The following NAV2 variants were observed in gnomAD, a reference collection of about 807,000 sequenced individuals.
NAV2 encodes the protein helicase, APC down-regulated 1.
A neutral mutation model predicts 223.2 loss-of-function variants in NAV2; 54 were observed. The observed-to-expected ratio is 0.24, with a 90% confidence interval of 0.19 to 0.30. NAV2 has a LOEUF of 0.30. Ranked by LOEUF, NAV2 falls within the 10% of genes least tolerant of loss-of-function variation. The pLI, the probability that NAV2 is intolerant of heterozygous loss-of-function variation, is 1.00. For missense variants in NAV2, 2,806 were observed against 3,147.5 expected, an observed-to-expected ratio of 0.89 and a Z score of 2.60; for synonymous variants, 1,279 against 1,239.3, an observed-to-expected ratio of 1.03 and a Z score of -0.67.
chr11:19,529,804 T>TCGTGCCC (rs2043968528), intron 1 of NAV2, among the ~76,000 whole-genome samples: 1 of 152,204 alleles, frequency 6.6e-6, no homozygotes, highest in African/African-American at 2.4e-5. Flanking sequence ...CCAGCGGGCC[T>TCGTGCCC]CCTGCCCTAC....
chr11:19,693,258 T>C (rs941531400), intron 1 of NAV2, among the ~76,000 whole-genome samples: 1 of 152,222 alleles, frequency 6.6e-6, no homozygotes, highest in African/African-American at 2.4e-5. Context: ...GGATGCTGTG[T>C]TTCGAGTGAG....
intron 2 of NAV2, among the ~76,000 whole-genome samples, chr11:19,834,214 C>T (rs1303779298): frequency 6.6e-6 from 1 of 152,176 alleles, no homozygotes; most frequent in Non-Finnish European, 1.5e-5. Flanking sequence ...GTCCAAAGCT[C>T]TTTTAAACTA....
intron 1 of NAV2, among the ~76,000 whole-genome samples, chr11:19,611,590 G>T (rs2046646939): frequency 6.6e-6 from 1 of 152,210 alleles, no homozygotes; most frequent in Admixed American, 6.5e-5. Context: ...ACCCATGCAA[G>T]TCCAAAATCC....
intron 6 of NAV2, among the ~76,000 whole-genome samples, chr11:19,906,736 A>G (rs568381284): frequency 3.5e-4 from 54 of 152,294 alleles, no homozygotes; most frequent in Admixed American, 1.2e-3. Flanking sequence ...AAGGGGCACA[A>G]GCACCACTTG....
At position 20,048,833 on chromosome 11, in the gene NAV2, T is replaced by C. The variant is rs770653572; in HGVS notation, c.4008T>C (p.Gly1336=). 6.2e-6 allele frequency: 10 copies of C among 1,614,112 alleles called. No individual in the cohort carries two copies. The South Asian group carries it at 1.1e-4, about 18-fold the overall frequency. ...CTCATGCCACCATGACTCAGCAAGG[T>C]AACCTAGACTCCCCGTCAGGCAGTG... ...SNPHATMTQQ[G]NLDSPSGSGV... The change falls in exon 15 of 38, where the codon GGT becomes GGC. Residue 1336 remains glycine, a synonymous_variant. Transcript: ENST00000349880.
At chr11:19,361,628 T>C (rs1213763810) in intron 1 of NAV2, among the ~76,000 whole-genome samples, 1 of 152,136 alleles carries the variant, frequency 6.6e-6, no homozygotes, top group Non-Finnish European at 1.5e-5. Context: ...TCCTCTGCCA[T>C]CTGAGATCAA....
intron 1 of NAV2, among the ~76,000 whole-genome samples, chr11:19,551,349 A>G (rs1403388515): frequency 6.6e-6 from 1 of 152,248 alleles, no homozygotes; most frequent in East Asian, 1.9e-4. Context: ...CCCCCCAGTC[A>G]TCTCTGTGAG....
chr11:19,651,520 A>C (rs2047967650), intron 1 of NAV2, among the ~76,000 whole-genome samples: 1 of 152,200 alleles, frequency 6.6e-6, no homozygotes, highest in Admixed American at 6.5e-5. Context: ...CACATCAGTG[A>C]GTGGTCAGAC....
chr11:19,616,304 C>CTGTGTGTGTGTGTGTGTG (rs113035353), intron 1 of NAV2, among the ~76,000 whole-genome samples: 20 of 140,708 alleles, frequency 1.4e-4, no homozygotes, highest in African/African-American at 4.1e-4. Context: ...TTGCTTCTGA[C>CTGTGTGTGTGTGTGTGTG]TGTGTGTGTG....
intron 1 of NAV2, among the ~76,000 whole-genome samples, chr11:19,401,592 G>A (rs977884008): frequency 1.3e-5 from 2 of 152,130 alleles, no homozygotes; most frequent in Admixed American, 6.5e-5. Context: ...AGGAATGATC[G>A]CAAATCAAAG....
In NAV2 at chr11:19,892,571, C is replaced by A. The variant is rs145926987; in HGVS notation, c.908C>A (p.Pro303Gln). The change falls in exon 6 of 38, where the codon CCA (proline) becomes CAA (glutamine). Residue 303 changes from proline (P) to glutamine (Q), a missense_variant. Coordinates refer to ENST00000349880, the MANE Select transcript of NAV2 (RefSeq NM_145117.5). ...TCCAAACCAGTCACCTCCCCACCCCCACCGCCAAGCAGCCACGAGAAAGGT... is the reference window on the plus strand; with the variant it reads ...TCCAAACCAGTCACCTCCCCACCCCAACCGCCAAGCAGCCACGAGAAAGGT... ...DKSKPVTSPP[P>Q]PPSSHEKEPL... 828 of 1,613,930 alleles carry A rather than the reference C, an allele frequency of 5.1e-4. No individual in the cohort carries two copies. The highest frequency in any genetic ancestry group is 6.6e-4 in the Non-Finnish European group (784 of 1,179,932).
In NAV2 at chr11:20,048,983, C is replaced by T. The variant is rs763160014; in HGVS notation, c.4158C>T (p.Thr1386=). The T allele has an allele frequency of 3.1e-6, 5 of 1,614,178 alleles. No individual in the cohort carries two copies. In the South Asian group the frequency reaches 5.5e-5, roughly 18 times the overall value. ...SAPSNSLTWG[T]NASSSSAVSK... ...CTTCCAACAGCCTCACCTGGGGCAC[C>T]AACGCCAGCAGCTCCTCCGCAGTTA... The change falls in exon 15 of 38, where the codon ACC becomes ACT. Residue 1386 remains threonine, a synonymous_variant. Transcript: ENST00000349880.
At chr11:19,501,276 C>A (rs948250977) in intron 1 of NAV2, among the ~76,000 whole-genome samples, 1 of 152,182 alleles carries the variant, frequency 6.6e-6, no homozygotes, top group African/African-American at 2.4e-5. Flanking sequence ...TGCACAGTCC[C>A]TTTTGCGTGT....
chr11:19,999,280 C>A (rs1487208937), intron 11 of NAV2, among the ~76,000 whole-genome samples: 3 of 152,364 alleles, frequency 2.0e-5, no homozygotes, highest in African/African-American at 7.2e-5. Context: ...CATGGCCCAA[C>A]TTGCCTTCAA....
At chr11:19,566,066 T>TATTTTATTTTATTTC (rs2045260502) in intron 1 of NAV2, among the ~76,000 whole-genome samples, 1 of 151,186 alleles carries the variant, frequency 6.6e-6, no homozygotes, top group Non-Finnish European at 1.5e-5. Flanking sequence ...TATTTTATTT[T>TATTTTATTTTATTTC]ATTTTATTTT....
chr11:19,861,996 C>A (rs780495714), intron 3 of NAV2, among the ~76,000 whole-genome samples: 5 of 152,166 alleles, frequency 3.3e-5, no homozygotes, highest in Non-Finnish European at 7.3e-5. Flanking sequence ...CTACAACTCC[C>A]CTCCCAGGTT....
chr11:19,869,744 T>C (rs894548), intron 4 of NAV2, among the ~76,000 whole-genome samples: 23,351 of 152,162 alleles, frequency 0.15, 2,214 homozygotes, highest in Non-Finnish European at 0.21. Context: ...GTAAAGCAGT[T>C]TGGGCTTCAG....
intron 20 of NAV2, among the ~76,000 whole-genome samples, chr11:20,064,188 T>G (rs964552203): frequency 7.2e-5 from 11 of 152,218 alleles, no homozygotes; most frequent in Non-Finnish European, 1.3e-4. Context: ...CTATGTCCTT[T>G]CTTCTAGAAT....
At chr11:19,423,258 T>C (rs1473607789) in intron 1 of NAV2, among the ~76,000 whole-genome samples, 4 of 152,230 alleles carry the variant, frequency 2.6e-5, no homozygotes, top group Non-Finnish European at 4.4e-5. Context: ...CTTATAGAGC[T>C]GTTGTATAGA....
Sources: gnomAD v4.1 joint callset for allele counts (sites outside exome capture counted in the v4.1 genomes callset) on GRCh38, gnomAD v4.1.1 for gene constraint, MANE v1.5 for transcripts, NCBI Gene and HGNC (gene_info 2026-07-23, HGNC 2026-07-21) for gene names.